PSORS1C2: variants seen among roughly 807,000 people sequenced by gnomAD.
PSORS1C2 encodes the protein psoriasis susceptibility 1 candidate 2.
A neutral mutation model predicts 12.2 loss-of-function variants in PSORS1C2; 13 were observed. The observed-to-expected ratio is 1.07, with a 90% CI of 0.70 to 1.70. The LOEUF (loss-of-function observed/expected upper bound fraction) is 1.70. Ranked by LOEUF, PSORS1C2 falls within the 40% of genes most tolerant of loss-of-function variation. The probability of loss-of-function intolerance (pLI) is 0.00; values close to 1 mark genes in which losing one functional copy is unlikely to be tolerated. For synonymous variants in PSORS1C2, 76 were observed against 69.2 expected (o/e 1.10, Z -0.49); for missense variants, 186 against 173.4 (o/e 1.07, Z -0.41).
In PSORS1C2 at chr6:31,139,015, G is replaced by A; in HGVS notation, c.12C>T (p.Asn4=). 6.2e-7 allele frequency: 1 copy of A among 1,614,082 alleles called. No individual in the cohort carries two copies. Among genetic ancestry groups the A allele is most frequent in the Non-Finnish European group, 8.5e-7 (1 of 1,179,976 alleles). MIL[N]WKLLGILVLC... is the part of the protein sequence containing the mutation. ...GGACCAGGATCCCCAGGAGCTTCCA[G>A]TTGAGGATCATGGCTATGTACTGGC... is the stretch of plus-strand genomic sequence containing the variant. The change falls in exon 1 of 2, where the codon AAC becomes AAT. Residue 4 remains asparagine (N), a synonymous_variant. Transcript: ENST00000259845. The surrounding 1 kb of genome is among the most constrained non-coding windows in gnomAD (Gnocchi z 5.2).
intron 1 of PSORS1C2, 43 bp downstream of exon 1, chr6:31,138,929 T>C (rs569420566): frequency 1.2e-6 from 2 of 1,608,132 alleles, no homozygotes; most frequent in South Asian, 1.1e-5. Context: ...TGAGTATCCC[T>C]CATCACCCCA....
In PSORS1C2 at chr6:31,138,323, A is replaced by C. The variant is rs778895486; in HGVS notation, c.56-17T>G. 1 of 1,606,112 alleles carries C rather than the reference A, an allele frequency of 6.2e-7. No homozygotes were observed. The highest frequency in any genetic ancestry group is 8.5e-7 in the Non-Finnish European group (1 of 1,175,692). ...CTGAGATGCCTGTAAAGGAGGAAGG[A>C]GAAAGGTAAGAGGTGGTGAGGGCTT... is the stretch of plus-strand genomic sequence containing the variant. On this transcript the variant is annotated splice_polypyrimidine_tract_variant and intron_variant, in intron 1 of 1. Transcript: ENST00000259845.
chr6:31,137,943 G>T lies in PSORS1C2; in HGVS notation c.*8C>A, dbSNP rs1222620375. On this transcript the variant is annotated 3_prime_UTR_variant, in exon 2 of 2. Transcript: ENST00000259845. ...ATGCCTGGGAACAGAACGGCTGAGG[G>T]GACTCCATTATCTGTACTCTTCCCG... 64 of 1,398,822 alleles carry T rather than the reference G, an allele frequency of 4.6e-5. No individual in the cohort carries two copies. The highest frequency in any genetic ancestry group is 5.8e-5 in the Non-Finnish European group (61 of 1,046,736). The allele number at this position is 1,398,822 out of a possible 1,614,324, so 86.7% of individuals were successfully genotyped here. A position where few individuals can be genotyped will look rare whatever the true frequency, so the allele number is the denominator to read the frequency against.
chr6:31,139,024 CATGG>C lies in PSORS1C2; in HGVS notation c.-2_2del. ...TCCCCAGGAGCTTCCAGTTGAGGAT[CATGG>C]CTATGTACTGGCCCCCAAAGCTGGG... On this transcript the variant is annotated start_lost and 5_prime_UTR_variant, in exon 1 of 2. Coordinates refer to ENST00000259845, the MANE Select transcript of PSORS1C2 (RefSeq NM_014069.3). The surrounding 1 kb of genome is among the most constrained non-coding windows in gnomAD (Gnocchi z 5.2). The C allele has an allele frequency of 1.2e-6, 2 of 1,614,106 alleles. No homozygotes were observed. The highest frequency in any genetic ancestry group is 2.2e-5 in the South Asian group (2 of 91,072).
rs563469150 is a variant in PSORS1C2 at position 31,138,744 on chromosome 6, C to T, written c.55+228G>A. The T allele has an allele frequency of 7.4e-6, 12 of 1,614,116 alleles. No individual in the cohort carries two copies. In the South Asian group the frequency reaches 1.3e-4, roughly 18 times the overall value. ...CTCGTCCCCCCCACGTTAATCCTGA[C>T]CGACTTTGCCACATGGAGCCAGCAA... On this transcript the variant is annotated intron_variant, in intron 1 of 1. Transcript: ENST00000259845.
At position 31,138,096 on chromosome 6, in the gene PSORS1C2, G is replaced by C. The variant is rs1256556550; in HGVS notation, c.266C>G (p.Thr89Arg). The C allele has an allele frequency of 3.8e-6, 6 of 1,597,794 alleles. No homozygotes were observed. Among genetic ancestry groups the C allele is most frequent in the Non-Finnish European group, 5.1e-6 (6 of 1,173,400 alleles). The change falls in exon 2 of 2, where the codon ACG becomes AGG. Residue 89 changes from threonine (T) to arginine (R), a missense_variant. Thr to Arg is a moderately conservative substitution (Grantham distance 71, BLOSUM62 -1). Transcript: ENST00000259845. The part of the protein sequence containing the change: ...TGVWLPEPPR[T>R]DPPQPPRPDD... ...AGGCCGGGGAGGTTGAGGAGGATCC[G>C]TTCTAGGCGGTTCAGGGAGCCAGAC...
At chr6:31,138,558 TCTC>T (rs1385140585) in intron 1 of PSORS1C2, 2 of 1,607,878 alleles carry the variant, frequency 1.2e-6, no homozygotes, top group African/African-American at 1.3e-5. Flanking sequence ...TGACCAGACT[TCTC>T]CAAATAAGCT....
chr6:31,138,817 C>A (rs1286040096), intron 1 of PSORS1C2, 155 bp downstream of exon 1: 9 of 1,613,558 alleles, frequency 5.6e-6, no homozygotes, highest in Non-Finnish European at 7.6e-6. Flanking sequence ...ATGTCCCCCA[C>A]CCAATGTGTC....
chr6:31,138,551 C>A, intron 1 of PSORS1C2: 1 of 1,606,196 alleles, frequency 6.2e-7, no homozygotes. Flanking sequence ...TTTAAACTGA[C>A]CAGACTTCTC....
chr6:31,138,466 T>G (rs1773275486), intron 1 of PSORS1C2, 160 bp from the exon 2 acceptor site: 2 of 1,612,568 alleles, frequency 1.2e-6, no homozygotes, highest in Non-Finnish European at 1.7e-6. Context: ...CTCGGTAGGT[T>G]TGTAAATACT....
At position 31,138,728 on chromosome 6, in the gene PSORS1C2, C is replaced by G. The variant is rs1773295285; in HGVS notation, c.55+244G>C. 6.8e-6 allele frequency: 11 copies of G among 1,613,890 alleles called. No individual in the cohort carries two copies. The highest frequency in any genetic ancestry group is 2.2e-5 in the South Asian group (2 of 91,082). On this transcript the variant is annotated intron_variant, in intron 1 of 1. Coordinates refer to ENST00000259845, the MANE Select transcript of PSORS1C2 (RefSeq NM_014069.3). ...CCCAGCTCCGAGGAAACTCGTCCCC[C>G]CCACGTTAATCCTGACCGACTTTGC...
rs1773216412 is a variant in PSORS1C2 at position 31,137,732 on chromosome 6, T to C, written c.*219A>G. On this transcript the variant is annotated 3_prime_UTR_variant, in exon 2 of 2. Coordinates refer to ENST00000259845, the MANE Select transcript of PSORS1C2 (RefSeq NM_014069.3). ...GAGGTAGGAGAGTAGGCTTAGGCTGTCAGAGGAAAAAACGGGCGATGTGAG... is the reference window on the plus strand; with the variant it reads ...GAGGTAGGAGAGTAGGCTTAGGCTGCCAGAGGAAAAAACGGGCGATGTGAG... The C allele has an allele frequency of 7.5e-6, 3 of 400,906 alleles. No homozygotes were observed. In the South Asian group the frequency reaches 3.6e-4, roughly 48 times the overall value. 24.8% of individuals were successfully genotyped at this position (400,906 alleles called of 1,614,324 possible).
rs775629316 is a variant in PSORS1C2 at position 31,138,515 on chromosome 6, G to T, written c.56-209C>A. On this transcript the variant is annotated intron_variant, in intron 1 of 1. Transcript: ENST00000259845. The stretch of plus-strand genomic sequence containing the variant: ...AATGTCATGAACCCCTACCCCCGAT[G>T]GATCTGAACCGTTCACTTGACCCAC... The T allele has an allele frequency of 3.9e-4, 622 of 1,606,946 alleles. 1 individual carries two copies. Among genetic ancestry groups the T allele is most frequent in the Non-Finnish European group, 4.9e-4 (575 of 1,174,716 alleles).
Position 31,139,038 on chromosome 6 carries a change from G to A in PSORS1C2, c.-12C>T, listed in dbSNP as rs1295749637. The A allele has an allele frequency of 2.5e-6, 4 of 1,613,706 alleles. No homozygotes were observed. In the African/African-American group the frequency reaches 4.0e-5, roughly 16 times the overall value. ...CAGTTGAGGATCATGGCTATGTACT[G>A]GCCCCCAAAGCTGGGGTGGGCTGAG... On this transcript the variant is annotated 5_prime_UTR_variant, in exon 1 of 2. Transcript: ENST00000259845. This position sits in a 1 kb window ranked among gnomAD's most constrained non-coding sequence, Gnocchi z 5.2.
rs909283794 is a variant in PSORS1C2, at chr6:31,137,924, G to C, written c.*27C>G. 3 of 1,239,220 alleles carry C rather than the reference G, an allele frequency of 2.4e-6. No homozygotes were observed. In the African/African-American group the frequency reaches 4.6e-5, roughly 19 times the overall value. 76.8% of individuals were successfully genotyped at this position (1,239,220 alleles called of 1,614,324 possible). A position where few individuals can be genotyped will look rare whatever the true frequency, so the allele number is the denominator to read the frequency against. On this transcript the variant is annotated 3_prime_UTR_variant, in exon 2 of 2. Coordinates refer to ENST00000259845, the MANE Select transcript of PSORS1C2 (RefSeq NM_014069.3). ...AGGGCGTGGGTGCCTGGAGATGCCT[G>C]GGAACAGAACGGCTGAGGGGACTCC...
Position 31,137,893 on chromosome 6 carries a change from G to T in PSORS1C2, c.*58C>A. ...GGAAGAATTCACGGGGAATCAGAGGGTGGAGAGGGCGTGGGTGCCTGGAGA... is the reference window on the plus strand; with the variant it reads ...GGAAGAATTCACGGGGAATCAGAGGTTGGAGAGGGCGTGGGTGCCTGGAGA... On this transcript the variant is annotated 3_prime_UTR_variant, in exon 2 of 2. Transcript: ENST00000259845. The T allele has an allele frequency of 1.3e-6, 1 of 762,812 alleles. No homozygotes were observed. The highest frequency in any genetic ancestry group is 2.0e-6 in the Non-Finnish European group (1 of 500,624). 47.3% of individuals were successfully genotyped at this position (762,812 alleles called of 1,614,324 possible). A position where few individuals can be genotyped will look rare whatever the true frequency, so the allele number is the denominator to read the frequency against.
intron 1 of PSORS1C2, chr6:31,138,583 T>C: frequency 6.2e-7 from 1 of 1,609,164 alleles, no homozygotes; most frequent in East Asian, 2.2e-5. Flanking sequence ...CATCCACCCC[T>C]GGTTGGGGTA....
chr6:31,138,732 C>A lies in PSORS1C2; in HGVS notation c.55+240G>T, dbSNP rs1288132906. 1.2e-6 allele frequency: 2 copies of A among 1,612,572 alleles called. No homozygotes were observed. The highest frequency in any genetic ancestry group is 2.7e-5 in the African/African-American group (2 of 74,558). On this transcript the variant is annotated intron_variant, in intron 1 of 1. Coordinates refer to ENST00000259845, the MANE Select transcript of PSORS1C2 (RefSeq NM_014069.3). ...GCTCCGAGGAAACTCGTCCCCCCCACGTTAATCCTGACCGACTTTGCCACA... is the reference window on the plus strand; with the variant it reads ...GCTCCGAGGAAACTCGTCCCCCCCAAGTTAATCCTGACCGACTTTGCCACA...
rs762711879 is a variant in PSORS1C2, at chr6:31,138,018, G to T, written c.344C>A (p.Ala115Asp). The part of the protein sequence containing the change: ...PQPPENPWPP[A>D]PEVDNRPQEE... ...CTGAGGTCGGTTGTCCACCTCAGGG[G>T]CAGGAGGCCAGGGGTTTTCTGGGGG... is the stretch of plus-strand genomic sequence containing the variant. The change falls in exon 2 of 2, where the codon GCC (alanine) becomes GAC (aspartate). Residue 115 changes from alanine (A) to aspartate (D), a missense_variant. Transcript: ENST00000259845. 2.8e-5 allele frequency: 42 copies of T among 1,525,352 alleles called. No homozygotes were observed. The highest frequency in any genetic ancestry group is 3.5e-5 in the Non-Finnish European group (40 of 1,139,488). 94.5% of individuals were successfully genotyped at this position (1,525,352 alleles called of 1,614,324 possible).
Sources: gnomAD v4.1 joint callset for allele counts on GRCh38, gnomAD v4.1.1 for gene constraint, Gnocchi (gnomAD v3.1) non-coding constraint, MANE v1.5 for transcripts, NCBI Gene and HGNC (gene_info 2026-07-23, HGNC 2026-07-21) for gene names.